Variants in ADAMTS12 observed in about 807,000 individuals in gnomAD.
The protein encoded by ADAMTS12 is A disintegrin and metalloproteinase with thrombospondin motifs 12.
Under a neutral mutation model 167.8 loss-of-function variants are expected in ADAMTS12, and 118 were observed. That is an observed-to-expected ratio of 0.70 (90% CI 0.61 to 0.82). The LOEUF (loss-of-function observed/expected upper bound fraction) is 0.82, where lower values mean the gene tolerates loss of function less well. Ranked by LOEUF, ADAMTS12 falls within the 40% of genes least tolerant of loss-of-function variation. ADAMTS12 has a pLI of 0.00. For missense variants in ADAMTS12, 1,916 were observed against 1,998.8 expected (o/e 0.96, Z 0.79); for synonymous variants, 704 against 716.9 (o/e 0.98, Z 0.29).
At chr5:33,531,015 G>A (rs1327963536) in intron 23 of ADAMTS12, among the ~76,000 whole-genome samples, 1 of 152,142 alleles carries the variant, frequency 6.6e-6, no homozygotes, top group African/African-American at 2.4e-5. Flanking sequence ...CAACCTGAGT[G>A]GTGTCCTTAT....
intron 20 of ADAMTS12, among the ~76,000 whole-genome samples, chr5:33,558,111 G>GTAA (rs1745568186): frequency 6.6e-6 from 1 of 152,012 alleles, no homozygotes; most frequent in Admixed American, 6.5e-5. Context: ...TAGAAATAAA[G>GTAA]TGCACAATAA....
chr5:33,579,911 T>C (rs746164291), intron 18 of ADAMTS12, among the ~76,000 whole-genome samples: 1 of 152,208 alleles, frequency 6.6e-6, no homozygotes, highest in Non-Finnish European at 1.5e-5. Flanking sequence ...CCCTTGTGGG[T>C]GACACACAGA....
At chr5:33,843,082 C>T (rs1372437889) in intron 2 of ADAMTS12, among the ~76,000 whole-genome samples, 1 of 152,180 alleles carries the variant, frequency 6.6e-6, no homozygotes, top group East Asian at 1.9e-4. Flanking sequence ...CTACCTTTCC[C>T]TTCCTGAACA....
chr5:33,741,677 G>C (rs958402805), intron 3 of ADAMTS12, among the ~76,000 whole-genome samples: 1 of 152,082 alleles, frequency 6.6e-6, no homozygotes, highest in Non-Finnish European at 1.5e-5. Context: ...CGCCAGGCTG[G>C]AGTGCAGTGG....
chr5:33,882,753 G>A (rs1181282376), intron 1 of ADAMTS12, among the ~76,000 whole-genome samples: 9 of 151,956 alleles, frequency 5.9e-5, no homozygotes, highest in East Asian at 1.9e-4. Context: ...CACCATGCCC[G>A]GCTAATTTTG....
chr5:33,790,390 T>C (rs1392766897), intron 2 of ADAMTS12, among the ~76,000 whole-genome samples: 1 of 151,866 alleles, frequency 6.6e-6, no homozygotes, highest in African/African-American at 2.4e-5. Context: ...CCGTCTCTAC[T>C]AAAAATACAA....
intron 19 of ADAMTS12, among the ~76,000 whole-genome samples, chr5:33,563,217 G>A (rs577497102): frequency 1.3e-5 from 2 of 152,224 alleles, no homozygotes; most frequent in South Asian, 4.2e-4. Flanking sequence ...AAGTACTATA[G>A]ATTGATAGCA....
intron 2 of ADAMTS12, among the ~76,000 whole-genome samples, chr5:33,862,329 G>T (rs544316504): frequency 5.9e-5 from 9 of 151,518 alleles, no homozygotes; most frequent in Non-Finnish European, 1.3e-4. Flanking sequence ...AGACACAATA[G>T]GGGAAAATCA....
chr5:33,658,471 T>A, intron 6 of ADAMTS12, 138 bp from the exon 7 acceptor site: 1 of 919,502 alleles, frequency 1.1e-6, no homozygotes, highest in Non-Finnish European at 1.6e-6. Flanking sequence ...TCTACATGAA[T>A]GTAGGCAGCA....
At chr5:33,539,097 A>C (rs2111774657) in intron 22 of ADAMTS12, among the ~76,000 whole-genome samples, 1 of 152,180 alleles carries the variant, frequency 6.6e-6, no homozygotes, top group South Asian at 2.1e-4. Flanking sequence ...ATGTACCACC[A>C]TGCCTGACTA....
intron 16 of ADAMTS12, among the ~76,000 whole-genome samples, chr5:33,613,750 T>C (rs1305324261): frequency 3.3e-5 from 5 of 152,180 alleles, no homozygotes; most frequent in African/African-American, 9.7e-5. Flanking sequence ...AGTGAATCTC[T>C]CCAGTGCTTG....
At chr5:33,708,906 T>A (rs1743291026) in intron 3 of ADAMTS12, among the ~76,000 whole-genome samples, 1 of 151,432 alleles carries the variant, frequency 6.6e-6, no homozygotes, top group Non-Finnish European at 1.5e-5. Context: ...ATAACAAACC[T>A]GCACGTTCTG....
chr5:33,628,544 T>C (rs1003354098), intron 13 of ADAMTS12, among the ~76,000 whole-genome samples: 1 of 152,194 alleles, frequency 6.6e-6, no homozygotes, highest in Admixed American at 6.5e-5. Context: ...TTGGCAAATA[T>C]TGTAAATTCA....
chr5:33,669,793 A>G (rs1741605520), intron 5 of ADAMTS12, among the ~76,000 whole-genome samples: 1 of 152,108 alleles, frequency 6.6e-6, no homozygotes, highest in Non-Finnish European at 1.5e-5. Context: ...AAACAAATAA[A>G]CAAAAAGAGA....
chr5:33,632,933 A>G (rs534152880), intron 12 of ADAMTS12, among the ~76,000 whole-genome samples: 2 of 152,114 alleles, frequency 1.3e-5, no homozygotes, highest in East Asian at 1.9e-4. Context: ...AGAAACGGAC[A>G]GATTCACTAA....
chr5:33,874,778 A>C (rs1750163303), intron 2 of ADAMTS12, among the ~76,000 whole-genome samples: 1 of 152,162 alleles, frequency 6.6e-6, no homozygotes, highest in Admixed American at 6.5e-5. Flanking sequence ...GCCATAAAAA[A>C]ACTTCAGGGG....
chr5:33,643,285 TAGAG>T (rs1643772555), intron 10 of ADAMTS12, 89 bp downstream of exon 10: 1 of 1,273,954 alleles, frequency 7.8e-7, no homozygotes, highest in Non-Finnish European at 1.1e-6. Flanking sequence ...GCTCTTCCCT[TAGAG>T]AGAGTTGCCC....
At position 33,531,079 on chromosome 5, in the gene ADAMTS12, G is replaced by A. The variant is rs528512939; in HGVS notation, c.4607-3713C>T. ...ACACACATACAGAGGAGGAAAAGCC[G>A]TGCTGAGACACAGACACAGAGAGGA... is the stretch of plus-strand genomic sequence containing the variant. On this transcript the variant is annotated intron_variant, in intron 23 of 23. Transcript: ENST00000504830. 5.9e-5 allele frequency among the ~76,000 whole-genome samples: 9 copies of A among 152,312 alleles called. No individual in the cohort carries two copies. The South Asian group carries it at 8.3e-4, about 14-fold the overall frequency.
intron 3 of ADAMTS12, among the ~76,000 whole-genome samples, chr5:33,695,814 C>T (rs1742736134): frequency 1.3e-5 from 2 of 152,288 alleles, no homozygotes; most frequent in South Asian, 4.1e-4. Flanking sequence ...ACAGAATATA[C>T]TTAAAGCCAC....
Sources: allele counts gnomAD v4.1 joint callset (sites outside exome capture counted in the v4.1 genomes callset), GRCh38; gene constraint gnomAD v4.1.1; transcripts MANE v1.5; gene names NCBI Gene and HGNC (gene_info 2026-07-23, HGNC 2026-07-21).